SPATA18: variants seen among roughly 807,000 people sequenced by gnomAD.
SPATA18 encodes spermatogenesis associated 18, also known as mitochondria-eating protein.
Under a neutral mutation model 68.1 loss-of-function variants are expected in SPATA18, and 54 were observed. The observed-to-expected ratio is 0.79, with a 90% confidence interval of 0.64 to 0.99. The LOEUF is 0.99. Among genes scored for constraint, SPATA18 ranks in the 50% least tolerant of loss-of-function variants. The probability of loss-of-function intolerance (pLI) is 0.00; values close to 1 mark genes in which losing one functional copy is unlikely to be tolerated. For missense variants in SPATA18, 724 were observed against 681.1 expected (o/e 1.06, Z -0.70); for synonymous variants, 242 against 244.8 (o/e 0.99, Z 0.11).
At chr4:52,083,160 G>A in intron 10 of SPATA18, 1 of 985,366 alleles carries the variant, frequency 1.0e-6, no homozygotes, top group Non-Finnish European at 1.2e-6. Flanking sequence ...TGGGGATTGG[G>A]TGATGGAACT....
intron 4 of SPATA18, among the ~76,000 whole-genome samples, chr4:52,063,246 G>T (rs965224116): frequency 6.6e-6 from 1 of 152,174 alleles, no homozygotes; most frequent in African/African-American, 2.4e-5. Context: ...TTCTAAGGAA[G>T]AAATCTCTAT....
intron 12 of SPATA18, 116 bp downstream of exon 12, chr4:52,094,688 T>A: frequency 7.7e-7 from 1 of 1,298,526 alleles, no homozygotes; most frequent in Non-Finnish European, 1.1e-6. Context: ...TTTTTCTTAC[T>A]CCTCACACCT....
chr4:52,062,140 G>C (rs1419070980), intron 3 of SPATA18, 80 bp from the exon 4 acceptor site: 5 of 827,434 alleles, frequency 6.0e-6, no homozygotes, highest in Non-Finnish European at 9.7e-6. Flanking sequence ...TTTTGAGTTG[G>C]GCTGTTTTTT....
At chr4:52,071,885 C>G (rs762789662) in intron 5 of SPATA18, 32 bp from the exon 6 acceptor site, 4 of 1,605,522 alleles carry the variant, frequency 2.5e-6, no homozygotes, top group Admixed American at 3.4e-5. Flanking sequence ...CTCCTCTCTT[C>G]CCTTCCTCTG....
At chr4:52,083,380 A>G in intron 10 of SPATA18, 1 of 985,438 alleles carries the variant, frequency 1.0e-6, no homozygotes. Context: ...ATTTTAAAAG[A>G]ACTGAAGAAA....
At chr4:52,074,037 G>A (rs953302617) in intron 6 of SPATA18, among the ~76,000 whole-genome samples, 1 of 152,200 alleles carries the variant, frequency 6.6e-6, no homozygotes, top group African/African-American at 2.4e-5. Context: ...AGGTGGTTAA[G>A]TTCCCGTAGT....
At position 52,083,016 on chromosome 4, in the gene SPATA18, T is replaced by C. The variant is rs1023149449; in HGVS notation, c.1479+506T>C. The C allele has an allele frequency of 2.8e-5, 28 of 985,210 alleles. No homozygotes were observed. The Admixed American group carries it at 1.0e-3, about 37-fold the overall frequency. 61.0% of individuals were successfully genotyped at this position (985,210 alleles called of 1,614,324 possible). On this transcript the variant is annotated intron_variant, in intron 10 of 12. Coordinates refer to ENST00000295213, the MANE Select transcript of SPATA18 (RefSeq NM_145263.4). Reference sequence around the variant, plus strand: ...AGGTGGGAGAGAGGAACCAATCAGTTTGGGAAGGTCGCTTCCTATATCCAT... The same window carrying C: ...AGGTGGGAGAGAGGAACCAATCAGTCTGGGAAGGTCGCTTCCTATATCCAT...
chr4:52,062,403 G>A, intron 4 of SPATA18, 71 bp downstream of exon 4: 1 of 1,030,478 alleles, frequency 9.7e-7, no homozygotes, highest in African/African-American at 1.6e-5. Context: ...AAATTCGAAA[G>A]GAGAATAATG....
intron 1 of SPATA18, 41 bp downstream of exon 1, chr4:52,051,832 A>G (rs529592843): frequency 3.2e-5 from 50 of 1,562,870 alleles, no homozygotes; most frequent in Non-Finnish European, 4.4e-5. Context: ...GCCCTCCCAT[A>G]GGTTCCAGCA....
At chr4:52,077,346 T>TTCCCTCCCTCTTTCCCTCCCTCTC (rs1257831579) in intron 7 of SPATA18, among the ~76,000 whole-genome samples, 1 of 144,586 alleles carries the variant, frequency 6.9e-6, no homozygotes, top group Non-Finnish European at 1.5e-5. Flanking sequence ...TCCTTTCTCT[T>TTCCCTCCCTCTTTCCCTCCCTCTC]TCCCTCCCTC....
chr4:52,053,989 C>G (rs1367387318), intron 1 of SPATA18, among the ~76,000 whole-genome samples: 2 of 152,218 alleles, frequency 1.3e-5, no homozygotes, highest in Non-Finnish European at 2.9e-5. Context: ...TTAACCTTAT[C>G]TGTTACTCTC....
intron 9 of SPATA18, among the ~76,000 whole-genome samples, chr4:52,081,387 C>T (rs993280830): frequency 6.6e-5 from 10 of 152,200 alleles, no homozygotes; most frequent in African/African-American, 2.4e-4. Flanking sequence ...ACCCTGGCAG[C>T]CTTTTGTACA....
At chr4:52,086,389 C>G (rs912054610) in intron 11 of SPATA18, among the ~76,000 whole-genome samples, 2 of 152,088 alleles carry the variant, frequency 1.3e-5, no homozygotes, top group African/African-American at 4.8e-5. Context: ...AGGTATTTCC[C>G]CTAATGTTAT....
Position 52,097,156 on chromosome 4 carries a change from T to C in SPATA18, c.*2269T>C, listed in dbSNP as rs971634256. 3 of 152,186 alleles carry C rather than the reference T, an allele frequency of 2.0e-5. No homozygotes were observed. Among genetic ancestry groups the C allele is most frequent in the African/African-American group, 2.4e-5 (1 of 41,470 alleles). The allele number at this position is 152,186 out of a possible 1,614,324, so 9.4% of individuals were successfully genotyped here. A position where few individuals can be genotyped will look rare whatever the true frequency, so the allele number is the denominator to read the frequency against. On this transcript the variant is annotated 3_prime_UTR_variant, in exon 13 of 13. Coordinates refer to ENST00000295213, the MANE Select transcript of SPATA18 (RefSeq NM_145263.4). ...GGGATGTACCTTACCCTTAGAGACT[T>C]TGAAAAATGTGAAGCTCTTATTTTG...
intron 6 of SPATA18, among the ~76,000 whole-genome samples, chr4:52,074,639 C>G (rs1229825783): frequency 2.6e-5 from 4 of 152,084 alleles, no homozygotes; most frequent in Non-Finnish European, 5.9e-5. Flanking sequence ...TAAAAATGGG[C>G]AGTGATTAGA....
Position 52,060,502 on chromosome 4 carries a change from C to A in SPATA18, c.171C>A (p.Ile57=). ...VAKVQGQLFG[I]LTAAAQEGGR... Reference sequence around the variant, plus strand: ...AGGTGCAGGGACAACTCTTTGGGATCCTCACAGCAGCAGCCCAAGAAGGTG... The same window carrying A: ...AGGTGCAGGGACAACTCTTTGGGATACTCACAGCAGCAGCCCAAGAAGGTG... The change falls in exon 2 of 13, where the codon ATC becomes ATA. Residue 57 remains isoleucine (I), a synonymous_variant. Transcript: ENST00000295213. 1 of 1,613,980 alleles carries A rather than the reference C, an allele frequency of 6.2e-7. No individual in the cohort carries two copies. Among genetic ancestry groups the A allele is most frequent in the Non-Finnish European group, 8.5e-7 (1 of 1,179,920 alleles).
chr4:52,063,368 G>A (rs1324853375), intron 4 of SPATA18, among the ~76,000 whole-genome samples: 3 of 152,162 alleles, frequency 2.0e-5, no homozygotes, highest in Admixed American at 2.0e-4. Context: ...TAACATTTTG[G>A]TATATTTTAC....
At chr4:52,088,749 T>C (rs1432154394) in intron 11 of SPATA18, among the ~76,000 whole-genome samples, 1 of 152,190 alleles carries the variant, frequency 6.6e-6, no homozygotes, top group Non-Finnish European at 1.5e-5. Flanking sequence ...TTTTCTTTTT[T>C]TGTTGTGTCT....
In SPATA18 at chr4:52,094,866, A is replaced by G. The variant is rs202089724; in HGVS notation, c.1610-14A>G. 5,706 of 1,613,892 alleles carry G rather than the reference A, an allele frequency of 3.5e-3. 28 individuals are homozygous for G. Among genetic ancestry groups the G allele is most frequent in the South Asian group, 9.3e-3 (851 of 91,074 alleles). On this transcript the variant is annotated splice_polypyrimidine_tract_variant and intron_variant, in intron 12 of 12. Coordinates refer to ENST00000295213, the MANE Select transcript of SPATA18 (RefSeq NM_145263.4). ...AAGTGACCATAATAATGAACTGTCT[A>G]TTTTTCTCCCTAGGATTTTAAAAGC...
Sources: gnomAD v4.1 joint callset for allele counts (sites outside exome capture counted in the v4.1 genomes callset) on GRCh38, gnomAD v4.1.1 for gene constraint, MANE v1.5 for transcripts, NCBI Gene and HGNC (gene_info 2026-07-23, HGNC 2026-07-21) for gene names.